Variants in TIAM1 observed in about 807,000 individuals in gnomAD.
TIAM1 encodes rho guanine nucleotide exchange factor TIAM1.
TIAM1 carries 65 observed loss-of-function variants against 163.5 expected under a neutral mutation model. The ratio of observed to expected loss-of-function variants is 0.40; its 90% confidence interval spans 0.33 to 0.49. TIAM1 has a LOEUF of 0.49. Among genes scored for constraint, TIAM1 ranks in the 20% least tolerant of loss-of-function variants. TIAM1 has a pLI of 0.77. For synonymous variants in TIAM1, 833 were observed against 810.1 expected (o/e 1.03, Z -0.48); for missense variants, 1,789 against 2,044.7 (o/e 0.87, Z 2.41).
At chr21:31,323,287 CAAAAAAA>C (rs761901697) in intron 2 of TIAM1, among the ~76,000 whole-genome samples, 26 of 99,504 alleles carry the variant, frequency 2.6e-4, no homozygotes, top group Admixed American at 4.3e-4. Flanking sequence ...GACTTTGATT[CAAAAAAA>C]AAAAAAAGAA....
intron 16 of TIAM1, among the ~76,000 whole-genome samples, chr21:31,158,210 C>A (rs143510478): frequency 6.6e-6 from 1 of 152,152 alleles, no homozygotes. Flanking sequence ...TCTCCTAGGC[C>A]CAACCTCACC....
At chr21:31,202,090 C>T (rs2086229749) in intron 12 of TIAM1, among the ~76,000 whole-genome samples, 1 of 151,908 alleles carries the variant, frequency 6.6e-6, no homozygotes, top group Non-Finnish European at 1.5e-5. Context: ...TAAATGTCCC[C>T]GAGAAGCTAT....
intron 1 of TIAM1, among the ~76,000 whole-genome samples, chr21:31,530,949 A>T (rs1317848543): frequency 6.6e-6 from 1 of 152,124 alleles, no homozygotes; most frequent in Non-Finnish European, 1.5e-5. Context: ...CCTGGCTCCA[A>T]GTCAATCACA....
At chr21:31,404,555 A>G (rs2077217167) in intron 2 of TIAM1, among the ~76,000 whole-genome samples, 1 of 148,738 alleles carries the variant, frequency 6.7e-6, no homozygotes, top group South Asian at 2.1e-4. Flanking sequence ...TTTTTTTAAG[A>G]GATGGGTCTC....
rs538250345 is a variant in TIAM1 at position 31,321,218 on chromosome 21, C to T, written c.-189+18025G>A. On this transcript the variant is annotated intron_variant, in intron 2 of 27. Coordinates refer to ENST00000541036, the MANE Select transcript of TIAM1 (RefSeq NM_001353694.2). Reference sequence around the variant, plus strand: ...CTATGTGCTCAGTGCAGGGACTGGCCGAAGAAGCCATTCAGCATCGGCAGG... The same window carrying T: ...CTATGTGCTCAGTGCAGGGACTGGCTGAAGAAGCCATTCAGCATCGGCAGG... Among the ~76,000 whole-genome samples, 3 of 152,214 alleles carry T rather than the reference C, an allele frequency of 2.0e-5. No individual in the cohort carries two copies. The East Asian group carries it at 5.8e-4, about 29-fold the overall frequency.
chr21:31,120,598 T>C lies in TIAM1; in HGVS notation c.4546A>G (p.Lys1516Glu), dbSNP rs201784218. Residue 1516 changes from lysine to glutamate, a missense_variant, in exon 28 of 28, where the codon AAG (lysine) becomes GAG (glutamate). Around this residue, in one of 5 missense-constraint regions of TIAM1, gnomAD observed 415 missense variants for 439.2 expected, o/e 0.94. Coordinates refer to ENST00000541036, the MANE Select transcript of TIAM1 (RefSeq NM_001353694.2). This position sits in a 1 kb window ranked among gnomAD's most constrained non-coding sequence, Gnocchi z 4.2. Reference sequence around the variant, plus strand: ...AGGTCTCTGTCCACTGAGGCACCCTTCACGGACTCACAGAACTCATCATCG... The same window carrying C: ...AGGTCTCTGTCCACTGAGGCACCCTCCACGGACTCACAGAACTCATCATCG... ...SDDDEFCESV[K>E]GASVDRDLQE... 1 of 1,614,166 alleles carries C rather than the reference T, an allele frequency of 6.2e-7. No individual in the cohort carries two copies. Among genetic ancestry groups the C allele is most frequent in the Non-Finnish European group, 8.5e-7 (1 of 1,180,042 alleles).
At chr21:31,150,004 T>C (rs1050386896) in intron 19 of TIAM1, among the ~76,000 whole-genome samples, 1 of 152,148 alleles carries the variant, frequency 6.6e-6, no homozygotes, top group African/African-American at 2.4e-5. Flanking sequence ...CATACATGCA[T>C]AATGTACACA....
At chr21:31,456,912 T>C (rs916712101) in intron 2 of TIAM1, among the ~76,000 whole-genome samples, 1 of 152,204 alleles carries the variant, frequency 6.6e-6, no homozygotes, top group African/African-American at 2.4e-5. Flanking sequence ...TCTCTCACAG[T>C]TGTTGTGTTC....
At chr21:31,190,701 G>A (rs748918970) in intron 13 of TIAM1, among the ~76,000 whole-genome samples, 1 of 152,176 alleles carries the variant, frequency 6.6e-6, no homozygotes, top group Non-Finnish European at 1.5e-5. Flanking sequence ...TCATGTAACT[G>A]GATATGTGAA....
intron 13 of TIAM1, among the ~76,000 whole-genome samples, chr21:31,190,908 C>T (rs1031199017): frequency 2.6e-5 from 4 of 152,146 alleles, no homozygotes; most frequent in Admixed American, 2.6e-4. Context: ...GTGTTTGTGC[C>T]GGCAGCTTTT....
At chr21:31,334,093 T>C (rs1165246712) in intron 2 of TIAM1, among the ~76,000 whole-genome samples, 2 of 152,238 alleles carry the variant, frequency 1.3e-5, no homozygotes, top group Non-Finnish European at 2.9e-5. Flanking sequence ...GCTTTTCCAC[T>C]TCGATTCAAC....
chr21:31,350,423 C>A (rs1160893717), intron 2 of TIAM1, among the ~76,000 whole-genome samples: 1 of 152,116 alleles, frequency 6.6e-6, no homozygotes, highest in Non-Finnish European at 1.5e-5. Flanking sequence ...GTTTGGATAT[C>A]TGTACCCACC....
chr21:31,418,149 C>G (rs1009221300), intron 2 of TIAM1, among the ~76,000 whole-genome samples: 1 of 151,978 alleles, frequency 6.6e-6, no homozygotes, highest in African/African-American at 2.4e-5. Flanking sequence ...TGAGACCAGC[C>G]TGGCCAACAT....
intron 14 of TIAM1, among the ~76,000 whole-genome samples, chr21:31,183,610 A>C (rs2085137023): frequency 6.6e-6 from 1 of 151,996 alleles, no homozygotes; most frequent in African/African-American, 2.4e-5. Context: ...GCAGAAAATG[A>C]CCCTACAAAG....
intron 19 of TIAM1, 138 bp from the exon 20 acceptor site, chr21:31,147,141 G>T: frequency 1.5e-6 from 1 of 677,110 alleles, no homozygotes. Context: ...GCCTTTCTTT[G>T]CTATCAAATG....
chr21:31,523,632 G>A (rs2047680083), intron 1 of TIAM1, among the ~76,000 whole-genome samples: 1 of 152,098 alleles, frequency 6.6e-6, no homozygotes, highest in Admixed American at 6.6e-5. Flanking sequence ...GGAGATAATA[G>A]TACGTACTCA....
rs73902327 is a variant in TIAM1 at position 31,401,367 on chromosome 21, T to G, written c.-368-61945A>C. Among the ~76,000 whole-genome samples, 1,472 of 152,234 alleles carry G rather than the reference T, an allele frequency of 9.7e-3. 22 individuals carry two copies. Among genetic ancestry groups the G allele is most frequent in the African/African-American group, 0.034 (1,410 of 41,542 alleles). On this transcript the variant is annotated intron_variant, in intron 2 of 28. Transcript: ENST00000286827. ...TCATTCTACTGTCTAGACCTGAAAT[T>G]TTAACTGGGAAAAGCTGGAAGCTAA... is the stretch of plus-strand genomic sequence containing the variant.
chr21:31,130,697 T>C (rs2082383908), intron 24 of TIAM1, among the ~76,000 whole-genome samples, 193 bp downstream of exon 24: 1 of 152,208 alleles, frequency 6.6e-6, no homozygotes, highest in Non-Finnish European at 1.5e-5. Context: ...GACCAATTCA[T>C]GTTTGTGCTC....
rs2072757872 is a variant in TIAM1 at position 31,266,266 on chromosome 21, T to C, written c.707A>G (p.Tyr236Cys). ...CQRANSLGDL[Y>C]AQKNSGVTAN... The stretch of plus-strand genomic sequence containing the variant: ...TGTCACTCCAGAGTTTTTCTGAGCA[T>C]ACAAGTCACCCAAGGAATTGGCTCT... The change falls in exon 4 of 28, where the codon TAT (tyrosine) becomes TGT (cysteine). Residue 236 changes from tyrosine (Y) to cysteine (C), a missense_variant. By Grantham distance (194) the Tyr-to-Cys change is radical. This residue lies in a region of TIAM1 where 555 missense variants were observed against 564.9 expected (regional missense o/e 0.98). Coordinates refer to ENST00000541036, the MANE Select transcript of TIAM1 (RefSeq NM_001353694.2). The C allele has an allele frequency of 6.2e-7, 1 of 1,614,216 alleles. No homozygotes were observed. The highest frequency in any genetic ancestry group is 1.1e-5 in the South Asian group (1 of 91,088).
Sources: gnomAD v4.1 joint callset for allele counts (sites outside exome capture counted in the v4.1 genomes callset) on GRCh38, gnomAD v4.1.1 for gene constraint, gnomAD v4.1.1 regional missense constraint, Gnocchi (gnomAD v3.1) non-coding constraint, MANE v1.5 for transcripts, NCBI Gene and HGNC (gene_info 2026-07-23, HGNC 2026-07-21) for gene names.